CTCF: variants seen among roughly 807,000 people sequenced by gnomAD.
CTCF encodes the protein CCCTC-binding factor.
A neutral mutation model predicts 72.3 loss-of-function variants in CTCF; 7 were observed. The observed-to-expected ratio is 0.10, with a 90% confidence interval of 0.06 to 0.18. The LOEUF (loss-of-function observed/expected upper bound fraction) is 0.18, where lower values mean the gene tolerates loss of function less well. CTCF is among the 10% of genes least tolerant of loss of function. The pLI is 1.00. For synonymous variants in CTCF, 374 were observed against 315.8 expected (o/e 1.18, Z -1.95); for missense variants, 516 against 949.1 (o/e 0.54, Z 6.00).
chr16:67,612,502 A>G (rs1327980238), intron 4 of CTCF: 4 of 160,170 alleles, frequency 2.5e-5, no homozygotes, highest in African/African-American at 9.7e-5. Flanking sequence ...AGGCAGGAGA[A>G]TGGCGTGAAC....
chr16:67,603,227 A>T (rs781542837), intron 2 of CTCF, among the ~76,000 whole-genome samples: 1 of 152,026 alleles, frequency 6.6e-6, no homozygotes, highest in African/African-American at 2.4e-5. Flanking sequence ...CAAAAAAAAA[A>T]TTACAAAAAA....
intron 2 of CTCF, among the ~76,000 whole-genome samples, chr16:67,608,288 CACCCTAGCCTGG>C (rs2052004829): frequency 6.6e-6 from 1 of 150,740 alleles, no homozygotes; most frequent in Non-Finnish European, 1.5e-5. Flanking sequence ...CGTGCCACTG[CACCCTAGCCTGG>C]GCAACAGAGC....
At chr16:67,577,816 T>G (rs546132012) in intron 2 of CTCF, among the ~76,000 whole-genome samples, 1 of 152,096 alleles carries the variant, frequency 6.6e-6, no homozygotes, top group East Asian at 1.9e-4. Context: ...AGGAGGAGAG[T>G]AAGGCAGGAG....
At chr16:67,564,057 A>G (rs181539996) in intron 1 of CTCF, 1 of 152,360 alleles carries the variant, frequency 6.6e-6, no homozygotes, top group East Asian at 1.9e-4. Context: ...TTCAGCGTTA[A>G]GTAAACATTC....
At chr16:67,569,308 C>G (rs1345317748) in intron 1 of CTCF, among the ~76,000 whole-genome samples, 2 of 152,082 alleles carry the variant, frequency 1.3e-5, no homozygotes, top group East Asian at 3.9e-4. Flanking sequence ...GCCTCAGCCT[C>G]CTGAGTAGCT....
At position 67,564,178 on chromosome 16, in the gene CTCF, C is replaced by A. The variant is rs191112497; in HGVS notation, c.-127+1454C>A. Among the ~76,000 whole-genome samples the A allele has an allele frequency of 4.5e-4, 69 of 152,298 alleles. 2 individuals carry two copies. The highest frequency in any genetic ancestry group is 6.5e-4 in the Admixed American group (10 of 15,292). On this transcript the variant is annotated intron_variant, in intron 1 of 11. Transcript: ENST00000264010. ...AGGCATATATTTAAATTTATTCGGT[C>A]CTTAAGTTTTCTTTCTTCACTAAAA...
At chr16:67,603,791 C>G (rs2051931419) in intron 2 of CTCF, among the ~76,000 whole-genome samples, 1 of 148,982 alleles carries the variant, frequency 6.7e-6, no homozygotes, top group Non-Finnish European at 1.5e-5. Flanking sequence ...CGCCACTGCA[C>G]TTCAGCCTGG....
At chr16:67,590,786 G>T (rs562552980) in intron 2 of CTCF, among the ~76,000 whole-genome samples, 1 of 151,722 alleles carries the variant, frequency 6.6e-6, no homozygotes, top group South Asian at 2.1e-4. Context: ...GCGAAACCCT[G>T]TCTCTACTAA....
At chr16:67,632,480 G>A (rs2052378627) in intron 10 of CTCF, among the ~76,000 whole-genome samples, 5 of 152,184 alleles carry the variant, frequency 3.3e-5, no homozygotes, top group Admixed American at 3.3e-4. Context: ...GTCAGCCTGG[G>A]CTCCATGCCA....
At chr16:67,601,802 T>C (rs2051895516) in intron 2 of CTCF, among the ~76,000 whole-genome samples, 1 of 152,074 alleles carries the variant, frequency 6.6e-6, no homozygotes, top group Admixed American at 6.6e-5. Flanking sequence ...GTACCACTTC[T>C]TTTTCTACCT....
intron 5 of CTCF, among the ~76,000 whole-genome samples, chr16:67,619,865 T>C (rs866506021): frequency 2.0e-5 from 3 of 152,296 alleles, no homozygotes; most frequent in Middle Eastern, 6.8e-3. Context: ...ACTACAGGTG[T>C]GAGCCACCGT....
chr16:67,578,325 C>CTTT (rs944395345), intron 2 of CTCF, among the ~76,000 whole-genome samples: 124 of 84,458 alleles, frequency 1.5e-3, no homozygotes, highest in Non-Finnish European at 1.9e-3. Flanking sequence ...GTTTATGTAT[C>CTTT]TTTTTTTTTT....
chr16:67,634,833 A>T (rs2052409109), intron 10 of CTCF, among the ~76,000 whole-genome samples: 1 of 150,468 alleles, frequency 6.6e-6, no homozygotes, highest in Non-Finnish European at 1.5e-5. Flanking sequence ...CCTCCTGAGT[A>T]GCTGGGATTA....
chr16:67,624,846 A>G (rs2142858507), intron 7 of CTCF, among the ~76,000 whole-genome samples: 1 of 151,384 alleles, frequency 6.6e-6, no homozygotes, highest in Non-Finnish European at 1.5e-5. Flanking sequence ...CACCCACCTC[A>G]GCCTCCCAAT....
intron 2 of CTCF, among the ~76,000 whole-genome samples, chr16:67,588,026 T>C (rs1222538924): frequency 2.6e-5 from 4 of 151,870 alleles, no homozygotes; most frequent in Non-Finnish European, 5.9e-5. Flanking sequence ...CCTGGCTAAT[T>C]TTTGCATTTT....
At chr16:67,623,518 C>T (rs1282227277) in intron 7 of CTCF, 1 of 151,870 alleles carries the variant, frequency 6.6e-6, no homozygotes, top group Middle Eastern at 3.2e-3. Flanking sequence ...ACCCTTGGTT[C>T]CAGCTACTCA....
chr16:67,629,269 C>T (rs1270878849), intron 9 of CTCF, 129 bp from the exon 10 acceptor site: 8 of 791,948 alleles, frequency 1.0e-5, no homozygotes, highest in South Asian at 3.9e-5. Flanking sequence ...GCAGAGACAG[C>T]GTGTTCAGGA....
chr16:67,624,037 G>T (rs1331814900), intron 7 of CTCF, among the ~76,000 whole-genome samples: 2 of 141,624 alleles, frequency 1.4e-5, no homozygotes, highest in East Asian at 4.0e-4. Flanking sequence ...AAGAGAGTGA[G>T]ACACTGTCTC....
chr16:67,591,137 A>C (rs2051738056), intron 2 of CTCF, among the ~76,000 whole-genome samples: 1 of 151,872 alleles, frequency 6.6e-6, no homozygotes, highest in South Asian at 2.1e-4. Context: ...TACGAAAAAT[A>C]CAAAAATTAG....
Sources: allele counts gnomAD v4.1 joint callset (sites outside exome capture counted in the v4.1 genomes callset), GRCh38; gene constraint gnomAD v4.1.1; transcripts MANE v1.5; gene names NCBI Gene and HGNC (gene_info 2026-07-23, HGNC 2026-07-21).